The following KDM2B variants were observed in gnomAD, a reference collection of about 807,000 sequenced individuals.
The protein encoded by KDM2B is lysine-specific demethylase 2B.
In KDM2B, 26 loss-of-function variants were observed where a neutral mutation model predicts 150.0. The observed-to-expected ratio is 0.17, with a 90% confidence interval of 0.13 to 0.24. The LOEUF (loss-of-function observed/expected upper bound fraction) is 0.24. KDM2B is among the 10% of genes least tolerant of loss of function. The pLI is 1.00. For missense variants in KDM2B, 1,265 were observed against 1,816.9 expected (o/e 0.70, Z 5.52); for synonymous variants, 734 against 729.5 (o/e 1.01, Z -0.10).
intron 11 of KDM2B, among the ~76,000 whole-genome samples, chr12:121,507,920 AG>A (rs1555303187): frequency 2.6e-5 from 4 of 152,176 alleles, no homozygotes. Flanking sequence ...CTGAGGCAGA[AG>A]GATCACTTGA....
intron 4 of KDM2B, among the ~76,000 whole-genome samples, chr12:121,574,175 G>T (rs1444807540): frequency 5.9e-5 from 9 of 152,092 alleles, no homozygotes; most frequent in Non-Finnish European, 1.2e-4. Flanking sequence ...GGAAGCAGGA[G>T]GAACAGCCCC....
At chr12:121,465,302 A>G (rs1879730750) in intron 12 of KDM2B, among the ~76,000 whole-genome samples, 1 of 152,090 alleles carries the variant, frequency 6.6e-6, no homozygotes. Context: ...ATCTCGGCTC[A>G]TTGCAACCGC....
At chr12:121,491,046 AGTC>A (rs1396428535) in intron 12 of KDM2B, among the ~76,000 whole-genome samples, 1 of 152,160 alleles carries the variant, frequency 6.6e-6, no homozygotes, top group Admixed American at 6.5e-5. Context: ...CCAGGCAGTC[AGTC>A]GTTTAGTTAC....
At chr12:121,443,109 C>A (rs926589082) in intron 17 of KDM2B, 79 bp from the exon 18 acceptor site, 2 of 1,385,344 alleles carry the variant, frequency 1.4e-6, no homozygotes, top group African/African-American at 1.4e-5. Context: ...CACCCCACCA[C>A]GAGTCCACAG....
chr12:121,564,318 C>T (rs532136344), intron 4 of KDM2B, among the ~76,000 whole-genome samples: 2 of 150,852 alleles, frequency 1.3e-5, no homozygotes, highest in African/African-American at 4.9e-5. Context: ...ATTAGCCGGG[C>T]GTGGTGGCGG....
chr12:121,456,383 A>G (rs188044306), intron 12 of KDM2B, among the ~76,000 whole-genome samples: 1 of 152,302 alleles, frequency 6.6e-6, no homozygotes, highest in African/African-American at 2.4e-5. Flanking sequence ...CTACAATAGC[A>G]CTTTCTGATT....
Position 121,485,933 on chromosome 12 carries a change from C to A in KDM2B, c.1734+8646G>T, listed in dbSNP as rs377634425. On this transcript the variant is annotated intron_variant, in intron 12 of 22. Transcript: ENST00000377071. ...CTGGGATTACAGGCATGCGCCACCA[C>A]ACCTGGCTAATTTTTGTATTTTTAG... Among the ~76,000 whole-genome samples, 81 of 150,972 alleles carry A rather than the reference C, an allele frequency of 5.4e-4. No individual in the cohort carries two copies. In the South Asian group the frequency reaches 0.011, roughly 21 times the overall value.
chr12:121,529,713 T>G (rs2141415864), intron 8 of KDM2B, among the ~76,000 whole-genome samples: 1 of 151,322 alleles, frequency 6.6e-6, no homozygotes, highest in East Asian at 2.0e-4. Flanking sequence ...GTGGATCACT[T>G]GACCCTAGGA....
At chr12:121,541,164 G>A (rs1157120279) in intron 6 of KDM2B, among the ~76,000 whole-genome samples, 2 of 151,966 alleles carry the variant, frequency 1.3e-5, no homozygotes, top group Non-Finnish European at 2.9e-5. Flanking sequence ...CCCAGGAGGC[G>A]GAGGTTGGGG....
intron 11 of KDM2B, among the ~76,000 whole-genome samples, chr12:121,498,682 T>C (rs1843809680): frequency 6.6e-6 from 1 of 152,166 alleles, no homozygotes; most frequent in Non-Finnish European, 1.5e-5. Context: ...TTTCTTGTCA[T>C]TTCAATATCA....
At position 121,463,822 on chromosome 12, in the gene KDM2B, A is replaced by G. The variant is rs1335122859; in HGVS notation, c.1735-10478T>C. 2.0e-4 allele frequency among the ~76,000 whole-genome samples: 31 copies of G among 152,000 alleles called. 1 individual carries two copies. The highest frequency in any genetic ancestry group is 2.4e-4 in the Non-Finnish European group (16 of 67,946). On this transcript the variant is annotated intron_variant, in intron 12 of 22. Transcript: ENST00000377071. Reference sequence around the variant, plus strand: ...CCAAACACCCGAGCTCAAGCCATCCACCTGCCTCAGCCTCCCATAAGTGCT... The same window carrying G: ...CCAAACACCCGAGCTCAAGCCATCCGCCTGCCTCAGCCTCCCATAAGTGCT...
intron 12 of KDM2B, among the ~76,000 whole-genome samples, chr12:121,461,205 T>G (rs567897953): frequency 6.6e-6 from 1 of 152,234 alleles, no homozygotes; most frequent in Admixed American, 6.5e-5. Flanking sequence ...GTGGATATTC[T>G]AGGCAGAAGG....
chr12:121,551,883 G>A (rs1889531828), intron 4 of KDM2B, among the ~76,000 whole-genome samples: 1 of 152,030 alleles, frequency 6.6e-6, no homozygotes, highest in African/African-American at 2.4e-5. Flanking sequence ...GCCCAGGCTG[G>A]GAGACCACAT....
intron 6 of KDM2B, among the ~76,000 whole-genome samples, chr12:121,542,872 C>T (rs1487552456): frequency 3.9e-5 from 6 of 152,144 alleles, no homozygotes; most frequent in African/African-American, 1.2e-4. Flanking sequence ...GTATGCTCCA[C>T]GAGAATGGGG....
chr12:121,443,683 C>T lies in KDM2B; in HGVS notation c.2562G>A (p.Gln854=). The T allele has an allele frequency of 6.2e-7, 1 of 1,605,406 alleles. No individual in the cohort carries two copies. ...WWRSSLTYFQ[Q]QLKPGKEDKL... ...AGGGCGTGCGTCGTGGGAGCACCTG[C>T]TGCTGGAAGTAAGTGAGACTGGATC... Residue 854 remains glutamine, a synonymous_variant, in exon 17 of 23, where the codon CAG becomes CAA. Coordinates refer to ENST00000377071, the MANE Select transcript of KDM2B (RefSeq NM_032590.5).
intron 4 of KDM2B, among the ~76,000 whole-genome samples, chr12:121,553,993 A>C (rs567746644): frequency 6.7e-6 from 1 of 150,174 alleles, no homozygotes; most frequent in Non-Finnish European, 1.5e-5. Context: ...GGGCCCTAGA[A>C]GTTTGAGATC....
intron 8 of KDM2B, among the ~76,000 whole-genome samples, chr12:121,524,965 C>T (rs1019672545): frequency 6.6e-6 from 1 of 151,544 alleles, no homozygotes; most frequent in Non-Finnish European, 1.5e-5. Context: ...GCTCAGGACT[C>T]GGAATCCAAA....
chr12:121,462,435 A>C (rs747060476), intron 12 of KDM2B, among the ~76,000 whole-genome samples: 1 of 152,218 alleles, frequency 6.6e-6, no homozygotes, highest in Non-Finnish European at 1.5e-5. Context: ...ATAGGCACAA[A>C]GTAACAAAAC....
At chr12:121,489,354 G>T (rs1883116563) in intron 12 of KDM2B, among the ~76,000 whole-genome samples, 1 of 150,922 alleles carries the variant, frequency 6.6e-6, no homozygotes, top group Admixed American at 6.6e-5. Context: ...ACTGCAGCCT[G>T]CAGCTCCTGG....
Sources: gnomAD v4.1 joint callset for allele counts (sites outside exome capture counted in the v4.1 genomes callset) on GRCh38, gnomAD v4.1.1 for gene constraint, MANE v1.5 for transcripts, NCBI Gene and HGNC (gene_info 2026-07-23, HGNC 2026-07-21) for gene names.